SDCCAG8: variants seen among roughly 807,000 people sequenced by gnomAD.
The protein encoded by SDCCAG8 is serologically defined colon cancer antigen 8.
SDCCAG8 carries 74 observed loss-of-function variants against 101.8 expected under a neutral mutation model. The ratio of observed to expected loss-of-function variants is 0.73; its 90% CI spans 0.60 to 0.88. SDCCAG8 has a LOEUF of 0.88. Ranked by LOEUF, SDCCAG8 falls within the 40% of genes least tolerant of loss-of-function variation. The probability of loss-of-function intolerance (pLI) is 0.00; values close to 1 mark genes in which losing one functional copy is unlikely to be tolerated. For synonymous variants in SDCCAG8, 281 were observed against 292.9 expected (o/e 0.96, Z 0.41); for missense variants, 787 against 822.6 (o/e 0.96, Z 0.53).
intron 12 of SDCCAG8, among the ~76,000 whole-genome samples, chr1:243,359,288 C>T (rs1301834464): frequency 6.6e-6 from 1 of 152,214 alleles, no homozygotes; most frequent in Non-Finnish European, 1.5e-5. Flanking sequence ...TACTGTTCTA[C>T]AGGCTGTGCA....
At chr1:243,382,278 A>G (rs2078006097) in intron 13 of SDCCAG8, among the ~76,000 whole-genome samples, 1 of 152,172 alleles carries the variant, frequency 6.6e-6, no homozygotes, top group South Asian at 2.1e-4. Flanking sequence ...CAGTGTGGAA[A>G]GTGAGCTTTG....
intron 16 of SDCCAG8, among the ~76,000 whole-genome samples, chr1:243,480,697 T>TGGGA (rs1663481151): frequency 5.7e-5 from 3 of 52,946 alleles, no homozygotes; most frequent in Admixed American, 2.2e-4. Flanking sequence ...GATGGATGGG[T>TGGGA]GGGATGGATG....
chr1:243,432,888 A>G (rs577478806), intron 16 of SDCCAG8, among the ~76,000 whole-genome samples: 4 of 152,294 alleles, frequency 2.6e-5, no homozygotes, highest in South Asian at 4.1e-4. Context: ...TTTATTATAT[A>G]TAATAATGAG....
At chr1:243,417,548 A>G (rs1480506526) in intron 14 of SDCCAG8, among the ~76,000 whole-genome samples, 1 of 152,178 alleles carries the variant, frequency 6.6e-6, no homozygotes, top group Non-Finnish European at 1.5e-5. Flanking sequence ...AGCATGAATT[A>G]CAGTGTAGAA....
chr1:243,480,650 A>G (rs1301530543), intron 16 of SDCCAG8, among the ~76,000 whole-genome samples: 10 of 85,998 alleles, frequency 1.2e-4, no homozygotes, highest in African/African-American at 1.7e-4. Flanking sequence ...TGATGGATGG[A>G]TGGATGGGTG....
At chr1:243,434,913 C>T (rs910219752) in intron 16 of SDCCAG8, among the ~76,000 whole-genome samples, 3 of 152,144 alleles carry the variant, frequency 2.0e-5, no homozygotes, top group Non-Finnish European at 4.4e-5. Context: ...CCAGGGAGAA[C>T]ATTAAGTGGG....
chr1:243,279,547 C>G (rs900136087), intron 4 of SDCCAG8, among the ~76,000 whole-genome samples: 2 of 152,188 alleles, frequency 1.3e-5, no homozygotes, highest in African/African-American at 4.8e-5. Context: ...GCTTTTGCAG[C>G]ATAATAACGT....
At position 243,295,047 on chromosome 1, in the gene SDCCAG8, G is replaced by C. The variant is rs7415471; in HGVS notation, c.675+1828G>C. ...CTAATCCAAGCTTCATTCTACTTGG[G>C]AAAGAGTATCCTTCTTCAAAAAAGA... On this transcript the variant is annotated intron_variant, in intron 6 of 17. Transcript: ENST00000366541. 7.9e-5 allele frequency among the ~76,000 whole-genome samples: 12 copies of C among 152,056 alleles called. 1 individual carries two copies. The highest frequency in any genetic ancestry group is 7.9e-4 in the Admixed American group (12 of 15,268).
rs530979937 is a variant in SDCCAG8 at position 243,264,265 on chromosome 1, C to G, written c.68-5840C>G. ...TCAAAAACATCTTGATGAAGACAGG[C>G]CCAGTGGTGACCTAAGAGTTAGAAC... On this transcript the variant is annotated intron_variant, in intron 1 of 17. Coordinates refer to ENST00000366541, the MANE Select transcript of SDCCAG8 (RefSeq NM_006642.5). 2.6e-5 allele frequency among the ~76,000 whole-genome samples: 4 copies of G among 152,166 alleles called. No individual in the cohort carries two copies. The South Asian group carries it at 6.2e-4, about 24-fold the overall frequency.
intron 12 of SDCCAG8, among the ~76,000 whole-genome samples, chr1:243,367,571 C>CT (rs2077055712): frequency 6.6e-6 from 1 of 151,954 alleles, no homozygotes; most frequent in Non-Finnish European, 1.5e-5. Flanking sequence ...CAGTCACCCT[C>CT]TTTCTGCTTT....
intron 16 of SDCCAG8, among the ~76,000 whole-genome samples, chr1:243,470,340 G>A (rs191210541): frequency 1.3e-5 from 2 of 152,298 alleles, no homozygotes; most frequent in Non-Finnish European, 2.9e-5. Flanking sequence ...TAGTTCAGAG[G>A]AAACCCATAC....
chr1:243,420,669 C>T (rs1018123333), intron 15 of SDCCAG8, among the ~76,000 whole-genome samples: 1 of 152,100 alleles, frequency 6.6e-6, no homozygotes, highest in Non-Finnish European at 1.5e-5. Flanking sequence ...AACTCTCAAG[C>T]GCCCCTAAAA....
In SDCCAG8 at chr1:243,270,229, C is replaced by G. The variant is rs1302915406; in HGVS notation, c.192C>G (p.Ala64=). The part of the protein sequence containing the change: ...TSVGNEDART[A]WPELQQSHAV... ...TGGGAAATGAGGACGCCAGGACAGCCTGGCCCGAATTACAACAGAGCCATG... is the reference window on the plus strand; with the variant it reads ...TGGGAAATGAGGACGCCAGGACAGCGTGGCCCGAATTACAACAGAGCCATG... The change falls in exon 2 of 18, where the codon GCC becomes GCG. Residue 64 remains alanine (A), a synonymous_variant. Coordinates refer to ENST00000366541, the MANE Select transcript of SDCCAG8 (RefSeq NM_006642.5). 1 of 1,614,166 alleles carries G rather than the reference C, an allele frequency of 6.2e-7. No homozygotes were observed. The highest frequency in any genetic ancestry group is 8.5e-7 in the Non-Finnish European group (1 of 1,180,014).
At chr1:243,397,299 T>C (rs1394106996) in intron 13 of SDCCAG8, among the ~76,000 whole-genome samples, 3 of 152,234 alleles carry the variant, frequency 2.0e-5, no homozygotes, top group Non-Finnish European at 4.4e-5. Context: ...GAAGTTGCGA[T>C]TGAAATACAT....
rs187320102 is a variant in SDCCAG8, at chr1:243,423,892, C to A, written c.1854-2535C>A. ...TACCTCACAGAGAAAAGAAAAGAAACCCTTACAAGTACCTTATAGGATTAA... is the reference window on the plus strand; with the variant it reads ...TACCTCACAGAGAAAAGAAAAGAAAACCTTACAAGTACCTTATAGGATTAA... On this transcript the variant is annotated intron_variant, in intron 15 of 17. Coordinates refer to ENST00000366541, the MANE Select transcript of SDCCAG8 (RefSeq NM_006642.5). Among the ~76,000 whole-genome samples, 11 of 152,046 alleles carry A rather than the reference C, an allele frequency of 7.2e-5. No homozygotes were observed. In the East Asian group the frequency reaches 1.5e-3, roughly 21 times the overall value.
At chr1:243,409,505 A>G (rs2080018595) in intron 13 of SDCCAG8, among the ~76,000 whole-genome samples, 1 of 152,202 alleles carries the variant, frequency 6.6e-6, no homozygotes, top group Non-Finnish European at 1.5e-5. Flanking sequence ...CCACCTAGTG[A>G]CAGATCCTGA....
intron 12 of SDCCAG8, among the ~76,000 whole-genome samples, chr1:243,354,590 A>G (rs1468755627): frequency 6.6e-6 from 1 of 152,238 alleles, no homozygotes; most frequent in African/African-American, 2.4e-5. Context: ...CAGCTTTTGC[A>G]AGACCTGTGA....
rs1466386042 is a variant in SDCCAG8 at position 243,378,704 on chromosome 1, C to A, written c.1474-17C>A. 6.2e-7 allele frequency: 1 copy of A among 1,613,108 alleles called. No individual in the cohort carries two copies. Among genetic ancestry groups the A allele is most frequent in the East Asian group, 2.2e-5 (1 of 44,854 alleles). On this transcript the variant is annotated splice_polypyrimidine_tract_variant and intron_variant, in intron 12 of 17. Coordinates refer to ENST00000366541, the MANE Select transcript of SDCCAG8 (RefSeq NM_006642.5). ...TGTATTTTATATGGATGCTTTTTCC[C>A]CTTCTCTCTACCTAAGGAAATAGAG...
At chr1:243,273,470 G>A (rs2068262115) in intron 3 of SDCCAG8, among the ~76,000 whole-genome samples, 1 of 152,146 alleles carries the variant, frequency 6.6e-6, no homozygotes, top group Non-Finnish European at 1.5e-5. Context: ...AGCTAAAATA[G>A]CATTAGCGTT....
Sources: allele counts gnomAD v4.1 joint callset (sites outside exome capture counted in the v4.1 genomes callset), GRCh38; gene constraint gnomAD v4.1.1; transcripts MANE v1.5; gene names NCBI Gene and HGNC (gene_info 2026-07-23, HGNC 2026-07-21).